DCC: variants seen among roughly 807,000 people sequenced by gnomAD.
DCC encodes DCC netrin 1 receptor, also known as netrin receptor DCC.
DCC carries 58 observed loss-of-function variants against 172.5 expected under a neutral mutation model. That is an observed-to-expected ratio of 0.34 (90% CI 0.27 to 0.42). The LOEUF (loss-of-function observed/expected upper bound fraction) is 0.42, where lower values mean the gene tolerates loss of function less well. Ranked by LOEUF, DCC falls within the 10% of genes least tolerant of loss-of-function variation. The pLI, the probability that DCC is intolerant of heterozygous loss-of-function variation, is 1.00. For missense variants in DCC, 1,740 were observed against 1,791.0 expected (o/e 0.97, Z 0.51); for synonymous variants, 709 against 644.5 (o/e 1.10, Z -1.52).
chr18:52,652,103 G>C (rs73465813), intron 1 of DCC, among the ~76,000 whole-genome samples: 1 of 152,104 alleles, frequency 6.6e-6, no homozygotes, highest in African/African-American at 2.4e-5. Context: ...AGAACTAGGC[G>C]GTCTTGACAC....
intron 7 of DCC, among the ~76,000 whole-genome samples, chr18:53,102,886 C>T (rs1202258213): frequency 6.6e-6 from 1 of 152,102 alleles, no homozygotes; most frequent in Non-Finnish European, 1.5e-5. Context: ...TTCTGCAATA[C>T]ACCCCCAAGT....
intron 1 of DCC, among the ~76,000 whole-genome samples, chr18:52,522,966 T>C (rs2031865824): frequency 6.6e-6 from 1 of 152,196 alleles, no homozygotes; most frequent in Non-Finnish European, 1.5e-5. Flanking sequence ...GTGATAGTCA[T>C]GGCCACAGAC....
chr18:53,151,730 T>C (rs1307024175), intron 7 of DCC, among the ~76,000 whole-genome samples: 2 of 152,164 alleles, frequency 1.3e-5, no homozygotes, highest in African/African-American at 2.4e-5. Context: ...CAAATAACTA[T>C]TTTATAAAAT....
chr18:52,806,153 T>A (rs538110083), intron 2 of DCC, among the ~76,000 whole-genome samples: 2 of 152,318 alleles, frequency 1.3e-5, no homozygotes, highest in Admixed American at 6.5e-5. Flanking sequence ...CTGTATCTTA[T>A]TTGCAGTTAA....
intron 1 of DCC, among the ~76,000 whole-genome samples, chr18:52,735,587 G>T (rs1447055408): frequency 6.6e-6 from 1 of 151,880 alleles, no homozygotes; most frequent in African/African-American, 2.4e-5. Context: ...TATGGCTGAA[G>T]GTTCAAGAGG....
At chr18:52,879,641 A>T (rs1289285177) in intron 2 of DCC, among the ~76,000 whole-genome samples, 1 of 151,918 alleles carries the variant, frequency 6.6e-6, no homozygotes, top group African/African-American at 2.4e-5. Flanking sequence ...CATATTGGCC[A>T]GGATGGTCTC....
At chr18:52,452,461 C>T (rs1450314004) in intron 1 of DCC, among the ~76,000 whole-genome samples, 4 of 152,272 alleles carry the variant, frequency 2.6e-5, no homozygotes, top group South Asian at 2.1e-4. Flanking sequence ...CCTTGATATT[C>T]GAGGGTTGGA....
intron 22 of DCC, among the ~76,000 whole-genome samples, chr18:53,447,482 C>T (rs1452638370): frequency 6.6e-6 from 1 of 152,138 alleles, no homozygotes; most frequent in Non-Finnish European, 1.5e-5. Context: ...TGGTACTCAG[C>T]AGAATTCAGA....
intron 5 of DCC, among the ~76,000 whole-genome samples, chr18:52,981,296 C>A (rs2041204750): frequency 6.6e-6 from 1 of 152,084 alleles, no homozygotes; most frequent in Non-Finnish European, 1.5e-5. Context: ...TACTTGATGG[C>A]TATTTAACCA....
At chr18:53,398,129 G>A (rs1909070950) in intron 18 of DCC, among the ~76,000 whole-genome samples, 1 of 152,016 alleles carries the variant, frequency 6.6e-6, no homozygotes, top group Non-Finnish European at 1.5e-5. Flanking sequence ...GAAGAATCCA[G>A]GGCTTAACAT....
intron 2 of DCC, among the ~76,000 whole-genome samples, chr18:52,805,245 A>G (rs12607187): frequency 0.58 from 87,986 of 152,082 alleles, 28,970 homozygotes; most frequent in East Asian, 0.86. Context: ...GTTTCAGGAT[A>G]AAGAATGGTC....
At chr18:52,599,519 T>A (rs2033974633) in intron 1 of DCC, among the ~76,000 whole-genome samples, 1 of 141,740 alleles carries the variant, frequency 7.1e-6, no homozygotes, top group Non-Finnish European at 1.5e-5. Flanking sequence ...GATTTGTTTA[T>A]AAATATATTA....
intron 7 of DCC, among the ~76,000 whole-genome samples, chr18:53,120,040 G>C (rs190044781): frequency 8.4e-4 from 127 of 151,858 alleles, no homozygotes; most frequent in African/African-American, 2.9e-3. Context: ...TTTTTATTGA[G>C]TTTTGTCATA....
intron 2 of DCC, among the ~76,000 whole-genome samples, chr18:52,783,263 A>T (rs2037583207): frequency 6.7e-6 from 1 of 149,362 alleles, no homozygotes; most frequent in South Asian, 2.1e-4. Context: ...ACCGATTTAA[A>T]CTCCTTGAAT....
chr18:52,917,225 T>C (rs1385785624), intron 3 of DCC, among the ~76,000 whole-genome samples: 2 of 148,134 alleles, frequency 1.4e-5, no homozygotes, highest in Non-Finnish European at 3.0e-5. Flanking sequence ...GAGGCTGAGG[T>C]GGAAGATGGC....
At chr18:52,886,650 T>C (rs1233424792) in intron 2 of DCC, among the ~76,000 whole-genome samples, 1 of 152,092 alleles carries the variant, frequency 6.6e-6, no homozygotes, top group Non-Finnish European at 1.5e-5. Flanking sequence ...AACCTCTGTT[T>C]CCTCTGCTGG....
intron 2 of DCC, among the ~76,000 whole-genome samples, chr18:52,854,814 G>C (rs1237517051): frequency 6.6e-6 from 1 of 152,146 alleles, no homozygotes; most frequent in Non-Finnish European, 1.5e-5. Context: ...ATATCCAAAG[G>C]TGTTTCCACT....
chr18:53,385,683 G>T (rs1160418214), intron 15 of DCC, among the ~76,000 whole-genome samples: 2 of 152,120 alleles, frequency 1.3e-5, no homozygotes, highest in Non-Finnish European at 2.9e-5. Context: ...GCTTCCCTTT[G>T]ATGTTTCTTA....
At position 53,049,798 on chromosome 18, in the gene DCC, G is replaced by C. The variant is rs77115061; in HGVS notation, c.986-13507G>C. On this transcript the variant is annotated intron_variant, in intron 5 of 28. Transcript: ENST00000442544. ...TTGCTTTGCGCAATGTACTAGTCAGGGTTCTCTAGAGGGACGAAATGAATA... is the reference window on the plus strand; with the variant it reads ...TTGCTTTGCGCAATGTACTAGTCAGCGTTCTCTAGAGGGACGAAATGAATA... Among the ~76,000 whole-genome samples the C allele has an allele frequency of 9.8e-3, 1,495 of 152,100 alleles. 56 individuals are homozygous for C. Among genetic ancestry groups the C allele is most frequent in the Admixed American group, 0.059 (896 of 15,252 alleles).
Sources: allele counts gnomAD v4.1 joint callset (sites outside exome capture counted in the v4.1 genomes callset), GRCh38; gene constraint gnomAD v4.1.1; transcripts MANE v1.5; gene names NCBI Gene and HGNC (gene_info 2026-07-23, HGNC 2026-07-21).